MCFD2: variants seen among roughly 807,000 people sequenced by gnomAD.
The protein encoded by MCFD2 is multiple coagulation factor deficiency protein 2.
A neutral mutation model predicts 12.8 loss-of-function variants in MCFD2; 11 were observed. The observed-to-expected ratio is 0.86, with a 90% CI of 0.54 to 1.42. The LOEUF is 1.42. Among genes scored for constraint, MCFD2 ranks in the 40% most tolerant of loss-of-function variants. MCFD2 has a pLI of 0.00. For missense variants in MCFD2, 191 were observed against 178.6 expected (o/e 1.07, Z -0.40); for synonymous variants, 70 against 68.1 (o/e 1.03, Z -0.14).
upstream of MCFD2, chr2:46,916,154 C>T (rs566906542): frequency 1.6e-4 from 156 of 985,536 alleles, no homozygotes; most frequent in African/African-American, 2.5e-3. Context: ...CTCCGCTCAC[C>T]CCCTCCTATA....
At position 46,941,722 on chromosome 2, in the gene MCFD2, A is replaced by G. The variant is rs1029573889; in HGVS notation, c.-158T>C. ...GAGCGCAGCGTTCACCTTTCCGGAC[A>G]CCGGTGAGTAAGGGAAGAGGCTGGC... On this transcript the variant is annotated 5_prime_UTR_variant, in exon 1 of 3. Transcript: ENST00000409147. The surrounding 1 kb of genome is among the most constrained non-coding windows in gnomAD (Gnocchi z 4.2). 1.9e-6 allele frequency: 3 copies of G among 1,549,756 alleles called. No individual in the cohort carries two copies. Among genetic ancestry groups the G allele is most frequent in the Non-Finnish European group, 2.6e-6 (3 of 1,146,940 alleles).
At chr2:46,932,499 T>C (rs1669757071) in intron 1 of MCFD2, among the ~76,000 whole-genome samples, 1 of 152,168 alleles carries the variant, frequency 6.6e-6, no homozygotes, top group Non-Finnish European at 1.5e-5. Context: ...GTTTGCTGTA[T>C]AATGATTACA....
Position 46,912,295 on chromosome 2 carries a change from C to T in MCFD2, c.-6-3118G>A, listed in dbSNP as rs534379637. Among the ~76,000 whole-genome samples the T allele has an allele frequency of 6.3e-4, 96 of 152,366 alleles. 1 individual carries two copies. The highest frequency in any genetic ancestry group is 4.8e-3 in the South Asian group (23 of 4,830). ...CAGAGATTGCAGTGAGCCAAGATCA[C>T]ACCACTGCACTCCAGCCTGGGCAAG... is the stretch of plus-strand genomic sequence containing the variant. On this transcript the variant is annotated intron_variant, in intron 1 of 3. Coordinates refer to ENST00000319466, the MANE Select transcript of MCFD2 (RefSeq NM_139279.6).
At chr2:46,916,125 C>T (rs1014690969), upstream of MCFD2, 1 of 985,408 alleles carries the variant, frequency 1.0e-6, no homozygotes, top group Non-Finnish European at 1.2e-6. Flanking sequence ...ATGGGGCGGA[C>T]CCCAAAGCTG....
intron 3 of MCFD2, 127 bp from the exon 4 acceptor site, chr2:46,905,721 AAC>A (rs1668197585): frequency 1.0e-6 from 1 of 986,786 alleles, no homozygotes; most frequent in African/African-American, 1.7e-5. Context: ...AAAAAGGAAA[AAC>A]AAAACAACAA....
intron 1 of MCFD2, among the ~76,000 whole-genome samples, chr2:46,931,110 C>T (rs1319411102): frequency 6.6e-6 from 1 of 152,094 alleles, no homozygotes; most frequent in Non-Finnish European, 1.5e-5. Flanking sequence ...AGAATAATGG[C>T]CCCCAAAGAT....
intron 1 of MCFD2, among the ~76,000 whole-genome samples, chr2:46,931,121 G>A (rs1387511853): frequency 6.6e-6 from 1 of 152,204 alleles, no homozygotes; most frequent in Non-Finnish European, 1.5e-5. Flanking sequence ...CCCCAAAGAT[G>A]TTTATGTCCT....
chr2:46,917,416 C>A, upstream of MCFD2: 2 of 563,534 alleles, frequency 3.5e-6, no homozygotes, highest in Non-Finnish European at 6.2e-6. Flanking sequence ...TGCCATTCAT[C>A]CATCTCTTCA....
At chr2:46,926,434 C>T (rs1669387032) in intron 1 of MCFD2, among the ~76,000 whole-genome samples, 1 of 152,130 alleles carries the variant, frequency 6.6e-6, no homozygotes, top group South Asian at 2.1e-4. Flanking sequence ...CATGGGAGCA[C>T]ACAGTGGGGG....
chr2:46,938,671 C>T (rs1417057495), intron 1 of MCFD2, among the ~76,000 whole-genome samples: 1 of 152,106 alleles, frequency 6.6e-6, no homozygotes, highest in Non-Finnish European at 1.5e-5. Context: ...CTCTTATAGT[C>T]AATAAATTCT....
intron 1 of MCFD2, 107 bp downstream of exon 1, chr2:46,915,616 C>T (rs186588514): frequency 0.01 from 2,827 of 279,738 alleles, 27 homozygotes; most frequent in Non-Finnish European, 0.012. Context: ...GGGGGCCCAG[C>T]CCGCGCCCCC....
Position 46,904,821 on chromosome 2 carries a change from T to C in MCFD2, c.*642A>G, listed in dbSNP as rs892624358. The C allele has an allele frequency of 6.3e-6, 1 of 158,180 alleles. No individual in the cohort carries two copies. Among genetic ancestry groups the C allele is most frequent in the African/African-American group, 2.4e-5 (1 of 41,466 alleles). 9.8% of individuals were successfully genotyped at this position (158,180 alleles called of 1,614,324 possible). ...TTGGGGGACTGTTAGGAAGGCATGA[T>C]TGGTTTTGAATAGTGAGGACATGAG... On this transcript the variant is annotated 3_prime_UTR_variant, in exon 4 of 4. Transcript: ENST00000319466.
rs1333050289 is a variant in MCFD2 at position 46,904,820 on chromosome 2, A to C, written c.*643T>G. The C allele has an allele frequency of 6.3e-6, 1 of 158,176 alleles. No homozygotes were observed. Among genetic ancestry groups the C allele is most frequent in the African/African-American group, 2.4e-5 (1 of 41,454 alleles). The allele number at this position is 158,176 out of a possible 1,614,324, so 9.8% of individuals were successfully genotyped here. On this transcript the variant is annotated 3_prime_UTR_variant, in exon 4 of 4. Coordinates refer to ENST00000319466, the MANE Select transcript of MCFD2 (RefSeq NM_139279.6). ...TTTGGGGGACTGTTAGGAAGGCATG[A>C]TTGGTTTTGAATAGTGAGGACATGA...
chr2:46,932,532 AT>A (rs1669759480), intron 1 of MCFD2, among the ~76,000 whole-genome samples: 1 of 152,172 alleles, frequency 6.6e-6, no homozygotes, highest in East Asian at 1.9e-4. Flanking sequence ...CTTTTGTGTT[AT>A]TTTACACAAC....
chr2:46,929,880 A>G (rs1363061079), intron 1 of MCFD2, among the ~76,000 whole-genome samples: 1 of 152,248 alleles, frequency 6.6e-6, no homozygotes, highest in Non-Finnish European at 1.5e-5. Flanking sequence ...TTAAGAATCA[A>G]CATATGGTTC....
chr2:46,902,192 A>G lies in MCFD2; in HGVS notation c.*3271T>C, dbSNP rs1439662068. On this transcript the variant is annotated 3_prime_UTR_variant, in exon 4 of 4. Transcript: ENST00000319466. ...GCTTCTTCTCATTTTCAAATACTAT[A>G]AAGATTCACACTGTTAAAGGGTTTT... The G allele has an allele frequency of 5.2e-5, 8 of 152,662 alleles. No homozygotes were observed. The highest frequency in any genetic ancestry group is 1.4e-4 in the African/African-American group (6 of 41,454). The allele number at this position is 152,662 out of a possible 1,614,324, so 9.5% of individuals were successfully genotyped here.
upstream of MCFD2, chr2:46,915,914 G>C (rs944120863): frequency 2.0e-6 from 2 of 984,980 alleles, no homozygotes; most frequent in Admixed American, 6.2e-5. Context: ...CTGTGAGGAC[G>C]GCTCGCGTGA....
intron 3 of MCFD2, among the ~76,000 whole-genome samples, chr2:46,906,376 C>T (rs933292264): frequency 7.9e-5 from 12 of 151,902 alleles, no homozygotes; most frequent in South Asian, 2.1e-4. Flanking sequence ...CTCCTAGCAG[C>T]GAATGTAATC....
At chr2:46,911,577 G>T (rs893407664) in intron 1 of MCFD2, among the ~76,000 whole-genome samples, 1 of 151,976 alleles carries the variant, frequency 6.6e-6, no homozygotes, top group African/African-American at 2.4e-5. Flanking sequence ...ATAAAAATGT[G>T]TATTTCCTAC....
Sources: allele counts gnomAD v4.1 joint callset (sites outside exome capture counted in the v4.1 genomes callset), GRCh38; gene constraint gnomAD v4.1.1; non-coding constraint Gnocchi (gnomAD v3.1); transcripts MANE v1.5; gene names NCBI Gene and HGNC (gene_info 2026-07-23, HGNC 2026-07-21).